Variants in NCOA1 observed in about 807,000 individuals in gnomAD.
NCOA1 encodes the protein nuclear receptor coactivator 1.
NCOA1 carries 35 observed loss-of-function variants against 150.9 expected under a neutral mutation model. The observed-to-expected ratio is 0.23, with a 90% CI of 0.18 to 0.31. NCOA1 has a LOEUF of 0.31. Among genes scored for constraint, NCOA1 ranks in the 10% least tolerant of loss-of-function variants. The pLI, the probability that NCOA1 is intolerant of heterozygous loss-of-function variation, is 1.00. For synonymous variants in NCOA1, 590 were observed against 630.0 expected, an observed-to-expected ratio of 0.94 and a Z score of 0.95; for missense variants, 1,491 against 1,749.3, an observed-to-expected ratio of 0.85 and a Z score of 2.63.
intron 4 of NCOA1, among the ~76,000 whole-genome samples, chr2:24,651,390 G>T (rs1426201651): frequency 3.3e-5 from 5 of 152,084 alleles, no homozygotes. Flanking sequence ...AGGAGATCCT[G>T]CCATTTGCCA....
intron 8 of NCOA1, among the ~76,000 whole-genome samples, chr2:24,689,666 C>T (rs1572596391): frequency 1.3e-5 from 2 of 152,208 alleles, no homozygotes; most frequent in African/African-American, 4.8e-5. Flanking sequence ...GCTGGGATTA[C>T]AGGCGTGAGC....
At chr2:24,696,644 A>G (rs1488817711) in intron 10 of NCOA1, among the ~76,000 whole-genome samples, 1 of 152,178 alleles carries the variant, frequency 6.6e-6, no homozygotes, top group African/African-American at 2.4e-5. Flanking sequence ...CTACATATAT[A>G]CACTAGAGAA....
intron 1 of NCOA1, among the ~76,000 whole-genome samples, chr2:24,543,763 G>C (rs1665494585): frequency 6.6e-6 from 1 of 152,132 alleles, no homozygotes; most frequent in Non-Finnish European, 1.5e-5. Flanking sequence ...AGGATGACAG[G>C]AAAGAGGTCA....
At chr2:24,679,231 A>G (rs1220335163) in intron 7 of NCOA1, among the ~76,000 whole-genome samples, 6 of 152,252 alleles carry the variant, frequency 3.9e-5, no homozygotes, top group Non-Finnish European at 5.9e-5. Context: ...ATGCAGTACA[A>G]CATAAAACCA....
chr2:24,491,709 C>T (rs1356041060), intron 1 of NCOA1, among the ~76,000 whole-genome samples, 107 bp downstream of exon 1: 11 of 151,308 alleles, frequency 7.3e-5, no homozygotes, highest in Admixed American at 7.2e-4. Context: ...CCCCTCCGCC[C>T]CCTGCTCTCC....
At chr2:24,638,947 A>C (rs935543769) in intron 3 of NCOA1, among the ~76,000 whole-genome samples, 1 of 152,174 alleles carries the variant, frequency 6.6e-6, no homozygotes, top group Non-Finnish European at 1.5e-5. Flanking sequence ...AATCAGCCTT[A>C]CATTCCTCGG....
intron 14 of NCOA1, among the ~76,000 whole-genome samples, chr2:24,720,800 C>A (rs1674324794): frequency 6.6e-6 from 1 of 152,172 alleles, no homozygotes. Flanking sequence ...CCCACTCTTA[C>A]CTCTAAATTG....
At chr2:24,654,413 A>G (rs1388499110) in intron 4 of NCOA1, among the ~76,000 whole-genome samples, 2 of 152,346 alleles carry the variant, frequency 1.3e-5, no homozygotes, top group African/African-American at 4.8e-5. Flanking sequence ...TATCATTAAC[A>G]GAAATCTGAA....
intron 2 of NCOA1, among the ~76,000 whole-genome samples, chr2:24,575,740 A>AT (rs1171504136): frequency 1.3e-5 from 2 of 151,686 alleles, no homozygotes; most frequent in African/African-American, 4.8e-5. Context: ...TGCTCAGCTA[A>AT]TTTTTTGTAT....
chr2:24,511,817 GTC>G lies in NCOA1; in HGVS notation c.-396+20217_-396+20218del, dbSNP rs1300258767. ...CTAATCCAAGGTCACAAAAATTTAT[GTC>G]TTTTTTTTCTAAGAGTTTTAGTGCT... On this transcript the variant is annotated intron_variant, in intron 1 of 22. Coordinates refer to ENST00000348332, the MANE Select transcript of NCOA1 (RefSeq NM_003743.5). Among the ~76,000 whole-genome samples the G allele has an allele frequency of 4.0e-5, 6 of 151,500 alleles. No individual in the cohort carries two copies. The South Asian group carries it at 1.3e-3, about 32-fold the overall frequency.
chr2:24,537,482 A>ATG (rs199844769), intron 1 of NCOA1, among the ~76,000 whole-genome samples: 7,003 of 150,272 alleles, frequency 0.047, 268 homozygotes, highest in East Asian at 0.22. Flanking sequence ...TAATATATGT[A>ATG]TGTGTGTGTG....
intron 1 of NCOA1, among the ~76,000 whole-genome samples, chr2:24,504,009 A>G (rs543633382): frequency 1.3e-5 from 2 of 152,286 alleles, no homozygotes; most frequent in South Asian, 2.1e-4. Flanking sequence ...TTCTGGGATT[A>G]CAGGCGTGAG....
Position 24,746,669 on chromosome 2 carries a change from C to CT in NCOA1, c.3706+4484dup, listed in dbSNP as rs761467051. ...GTGTAGCAGAACTGGGACCAGAACT[C>CT]TAAGTATTCCTCTAATTCATTACCC... On this transcript the variant is annotated intron_variant, in intron 19 of 22. Coordinates refer to ENST00000348332, the MANE Select transcript of NCOA1 (RefSeq NM_003743.5). 1.1e-4 allele frequency among the ~76,000 whole-genome samples: 16 copies of CT among 152,314 alleles called. No homozygotes were observed. The East Asian group carries it at 1.5e-3, about 15-fold the overall frequency.
intron 1 of NCOA1, among the ~76,000 whole-genome samples, chr2:24,497,004 T>C (rs1663245633): frequency 6.6e-6 from 1 of 152,212 alleles, no homozygotes; most frequent in Non-Finnish European, 1.5e-5. Context: ...CTGCTTTTCT[T>C]GTAAGGCCCT....
chr2:24,498,975 C>A (rs1179855521), intron 1 of NCOA1, among the ~76,000 whole-genome samples: 1 of 151,600 alleles, frequency 6.6e-6, no homozygotes, highest in Admixed American at 6.6e-5. Context: ...GAAGTTGGTA[C>A]AAAATCTTTT....
rs570651259 is a variant in NCOA1, at chr2:24,512,487, T to A, written c.-396+20885T>A. On this transcript the variant is annotated intron_variant, in intron 1 of 22. Transcript: ENST00000348332. ...GCAATTCAGTTCAGTTTTTAAAAGC[T>A]CTAATGGCTAGAAAGTTTATTCTTT... Among the ~76,000 whole-genome samples the A allele has an allele frequency of 2.0e-5, 3 of 152,334 alleles. No homozygotes were observed. The South Asian group carries it at 6.2e-4, about 32-fold the overall frequency.
At chr2:24,535,504 G>C (rs1253628925) in intron 1 of NCOA1, among the ~76,000 whole-genome samples, 1 of 152,126 alleles carries the variant, frequency 6.6e-6, no homozygotes, top group African/African-American at 2.4e-5. Flanking sequence ...GATGTTAGCT[G>C]GTTATTTTGC....
intron 1 of NCOA1, among the ~76,000 whole-genome samples, chr2:24,550,068 C>T (rs1665762686): frequency 6.6e-6 from 1 of 152,168 alleles, no homozygotes; most frequent in African/African-American, 2.4e-5. Flanking sequence ...TCCTCCTCTC[C>T]ATTTGAGACC....
intron 9 of NCOA1, among the ~76,000 whole-genome samples, chr2:24,692,858 C>A (rs191611766): frequency 6.6e-6 from 1 of 152,050 alleles, no homozygotes; most frequent in African/African-American, 2.4e-5. Flanking sequence ...TGCTGTAACA[C>A]GTTTTTGTTT....
Sources: gnomAD v4.1 joint callset for allele counts (sites outside exome capture counted in the v4.1 genomes callset) on GRCh38, gnomAD v4.1.1 for gene constraint, MANE v1.5 for transcripts, NCBI Gene and HGNC (gene_info 2026-07-23, HGNC 2026-07-21) for gene names.